The following ANK2 variants were observed in gnomAD, a reference collection of about 807,000 sequenced individuals.
The protein encoded by ANK2 is ankyrin-2.
ANK2 carries 83 observed loss-of-function variants against 360.5 expected under a neutral mutation model. That is an observed-to-expected ratio of 0.23 (90% CI 0.19 to 0.28). The LOEUF is 0.28. ANK2 is among the 10% of genes least tolerant of loss of function. The pLI, the probability that ANK2 is intolerant of heterozygous loss-of-function variation, is 1.00. For synonymous variants in ANK2, 1,740 were observed against 1,759.5 expected (o/e 0.99, Z 0.28); for missense variants, 4,201 against 4,795.7 (o/e 0.88, Z 3.66).
chr4:112,748,380 A>C, the ANK2 span, among the ~76,000 whole-genome samples: 1 of 152,314 alleles, frequency 6.6e-6, no homozygotes, highest in South Asian at 2.1e-4. Flanking sequence ...TGAGCCTGCT[A>C]TGGAAATGTA....
At chr4:113,171,996 C>A (rs1486848351) in intron 1 of ANK2, among the ~76,000 whole-genome samples, 1 of 152,178 alleles carries the variant, frequency 6.6e-6, no homozygotes, top group Non-Finnish European at 1.5e-5. Flanking sequence ...TTTATAGGAA[C>A]AATAGAGCAA....
the ANK2 span, among the ~76,000 whole-genome samples, chr4:112,775,515 T>TCACACACACACACACACACACACACACA: frequency 0.039 from 4,546 of 117,890 alleles, 225 homozygotes; most frequent in Non-Finnish European, 0.054. Context: ...CTAAGCTCCA[T>TCACACACACACACACACACACACACACA]CACACACACA....
intron 17 of ANK2, among the ~76,000 whole-genome samples, chr4:113,279,164 T>C (rs758297318): frequency 3.9e-5 from 6 of 152,168 alleles, no homozygotes; most frequent in Non-Finnish European, 8.8e-5. Context: ...ACTGAAAATA[T>C]ATATGAATGT....
the ANK2 span, among the ~76,000 whole-genome samples, chr4:112,792,561 A>G: frequency 7.9e-5 from 12 of 152,240 alleles, no homozygotes; most frequent in African/African-American, 2.7e-4. Context: ...TAAAATGGTT[A>G]CTAGGGAAGG....
At chr4:112,719,589 G>A in the ANK2 span, among the ~76,000 whole-genome samples, 1 of 151,976 alleles carries the variant, frequency 6.6e-6, no homozygotes, top group South Asian at 2.1e-4. Flanking sequence ...TTAGCCAGGC[G>A]TTGTGGTGGG....
intron 24 of ANK2, among the ~76,000 whole-genome samples, chr4:113,312,434 C>A (rs1434974191): frequency 6.6e-6 from 1 of 152,014 alleles, no homozygotes; most frequent in Non-Finnish European, 1.5e-5. Flanking sequence ...ACCTTAAAGT[C>A]TAAGTGAATA....
intron 1 of ANK2, among the ~76,000 whole-genome samples, chr4:113,119,331 G>A (rs1260707203): frequency 3.3e-5 from 5 of 151,944 alleles, no homozygotes; most frequent in Non-Finnish European, 7.4e-5. Flanking sequence ...AAAAGAGTGG[G>A]TGTGCTTTTT....
intron 1 of ANK2, among the ~76,000 whole-genome samples, chr4:112,874,050 A>G (rs2074166463): frequency 6.7e-6 from 1 of 150,324 alleles, no homozygotes. Context: ...GATAGATACA[A>G]TTCACACACA....
At chr4:112,769,037 A>T in the ANK2 span, among the ~76,000 whole-genome samples, 1 of 152,224 alleles carries the variant, frequency 6.6e-6, no homozygotes, top group African/African-American at 2.4e-5. Flanking sequence ...CTTATGCATT[A>T]TGAGGTTACA....
the ANK2 span, among the ~76,000 whole-genome samples, chr4:112,729,514 G>A: frequency 3.3e-5 from 5 of 152,094 alleles, no homozygotes; most frequent in African/African-American, 7.2e-5. Flanking sequence ...CCAGCACTTT[G>A]GGAGGCCCAG....
chr4:113,223,337 A>G (rs991251891), intron 4 of ANK2, among the ~76,000 whole-genome samples: 20 of 152,284 alleles, frequency 1.3e-4, no homozygotes, highest in African/African-American at 4.6e-4. Context: ...CCTGCCTGCA[A>G]AAGATGGGGT....
the ANK2 span, among the ~76,000 whole-genome samples, chr4:112,786,048 G>T: frequency 6.6e-6 from 1 of 151,844 alleles, no homozygotes; most frequent in Non-Finnish European, 1.5e-5. Flanking sequence ...TGCCACGTTG[G>T]CCAGGCTAGT....
chr4:112,809,900 G>T, the ANK2 span, among the ~76,000 whole-genome samples: 3 of 150,462 alleles, frequency 2.0e-5, no homozygotes, highest in East Asian at 3.9e-4. Flanking sequence ...CCCTGCATTT[G>T]GGGAGAAATG....
intron 40 of ANK2, among the ~76,000 whole-genome samples, chr4:113,363,804 G>C (rs564502521): frequency 3.9e-5 from 6 of 152,144 alleles, no homozygotes; most frequent in African/African-American, 1.4e-4. Flanking sequence ...CTGAGTGAGT[G>C]TGGGTGTGTG....
intron 14 of ANK2, 138 bp from the exon 15 acceptor site, chr4:113,274,314 G>A: frequency 3.1e-6 from 3 of 953,648 alleles, no homozygotes; most frequent in South Asian, 2.8e-5. Context: ...AATATGCCAT[G>A]GTTAAAGCAG....
intron 1 of ANK2, chr4:113,141,351 C>A (rs13435322): frequency 0.16 from 24,268 of 152,036 alleles, 2,966 homozygotes; most frequent in East Asian, 0.51. Flanking sequence ...CATGTGATTC[C>A]TATCCTTTTT....
rs377215948 is a variant in ANK2 at position 113,353,675 on chromosome 4, A to C, written c.5057A>C (p.Glu1686Ala). Residue 1686 changes from glutamate to alanine, a missense_variant, in exon 38 of 46, where the codon GAG (glutamate) becomes GCG (alanine). By Grantham distance (107) the Glu-to-Ala change is moderately radical (BLOSUM62 -1). Around this residue, in one of 4 missense-constraint regions of ANK2, gnomAD observed 2,642 missense variants for 2,714.5 expected, o/e 0.97. Coordinates refer to ENST00000357077, the MANE Select transcript of ANK2 (RefSeq NM_001148.6). ...GAAGGGAAAGACATACCCCCAGATG[A>C]GACACAGAGTACACAGAAACAGCAC... The part of the protein sequence containing the change: ...EKEGKDIPPD[E>A]TQSTQKQHKP... 7 of 1,614,086 alleles carry C rather than the reference A, an allele frequency of 4.3e-6. No homozygotes were observed. The highest frequency in any genetic ancestry group is 3.4e-6 in the Non-Finnish European group (4 of 1,179,982).
upstream of ANK2, among the ~76,000 whole-genome samples, chr4:112,815,835 C>G (rs2055586157): frequency 6.6e-6 from 1 of 152,216 alleles, no homozygotes; most frequent in Non-Finnish European, 1.5e-5. Context: ...GGGACAGAAG[C>G]TCCTGCACTC....
the ANK2 span, among the ~76,000 whole-genome samples, chr4:112,764,745 T>A: frequency 6.6e-6 from 1 of 151,790 alleles, no homozygotes; most frequent in Non-Finnish European, 1.5e-5. Context: ...TTCATTCTTT[T>A]TGCCCAGGCT....
Sources: allele counts gnomAD v4.1 joint callset (sites outside exome capture counted in the v4.1 genomes callset), GRCh38; gene constraint gnomAD v4.1.1; regional missense constraint gnomAD v4.1.1; transcripts MANE v1.5; gene names NCBI Gene and HGNC (gene_info 2026-07-23, HGNC 2026-07-21).